Variants in CLTCL1 observed in about 807,000 individuals in gnomAD.
The protein encoded by CLTCL1 is clathrin heavy chain like 1.
Under a neutral mutation model 190.0 loss-of-function variants are expected in CLTCL1, and 159 were observed. That is an observed-to-expected ratio of 0.84 (90% CI 0.74 to 0.95). The LOEUF (loss-of-function observed/expected upper bound fraction) is 0.95, where lower values mean the gene tolerates loss of function less well. Ranked by LOEUF, CLTCL1 falls within the 40% of genes least tolerant of loss-of-function variation. The pLI, the probability that CLTCL1 is intolerant of heterozygous loss-of-function variation, is 0.00. For missense variants in CLTCL1, 1,878 were observed against 2,033.4 expected, an observed-to-expected ratio of 0.92 and a Z score of 1.47; for synonymous variants, 752 against 769.6, an observed-to-expected ratio of 0.98 and a Z score of 0.38.
intron 1 of CLTCL1, among the ~76,000 whole-genome samples, chr22:19,291,364 C>A (rs1386269987): frequency 2.0e-5 from 3 of 152,272 alleles, no homozygotes; most frequent in East Asian, 1.9e-4. Flanking sequence ...CTTCCACCCC[C>A]ACCATTCCCC....
At chr22:19,186,886 C>T (rs1306877224) in intron 29 of CLTCL1, among the ~76,000 whole-genome samples, 2 of 152,094 alleles carry the variant, frequency 1.3e-5, no homozygotes, top group Non-Finnish European at 2.9e-5. Flanking sequence ...CAGGTGTGAG[C>T]CACCACGTCC....
chr22:19,205,655 T>TA (rs1253680416), intron 22 of CLTCL1, among the ~76,000 whole-genome samples: 18 of 152,208 alleles, frequency 1.2e-4, no homozygotes, highest in Admixed American at 1.2e-3. Context: ...CATCTAGACT[T>TA]AGAGGTCCAT....
Position 19,225,521 on chromosome 22 carries a change from G to A in CLTCL1, c.2060C>T (p.Ser687Phe), listed in dbSNP as rs1555955340. 6.3e-7 allele frequency: 1 copy of A among 1,587,062 alleles called. No homozygotes were observed. Among genetic ancestry groups the A allele is most frequent in the Non-Finnish European group, 8.6e-7 (1 of 1,166,160 alleles). Reference sequence around the variant, plus strand: ...CGTGCCCAGCTGCTCGTGGTACTTAGAGGCCACCTGCACACACAGCTGAAG... The same window carrying A: ...CGTGCCCAGCTGCTCGTGGTACTTAAAGGCCACCTGCACACACAGCTGAAG... ...QNLQLCVQVASKYHEQLGTQA... is the reference protein window; with the variant it reads ...QNLQLCVQVAFKYHEQLGTQA... Residue 687 changes from serine to phenylalanine, a missense_variant, in exon 13 of 33, where the codon TCT (serine) becomes TTT (phenylalanine). Coordinates refer to ENST00000427926, the MANE Select transcript of CLTCL1 (RefSeq NM_007098.4).
chr22:19,234,564 AG>A lies in CLTCL1; in HGVS notation c.1111del (p.Leu371SerfsTer63). ...EKLFVRKFNTLFAQGSYAEAA... is the reference protein window; with the variant it reads ...EKLFVRKFNTXFAQGSYAEAA... ...TTCAGCATAGCTGCCCTGTGCAAAG[AG>A]GGTATTGAATTTTCTCACAAACAAC... On this transcript the variant is annotated frameshift_variant, in exon 7 of 33. Coordinates refer to ENST00000427926, the MANE Select transcript of CLTCL1 (RefSeq NM_007098.4). LOFTEE classifies it high-confidence loss of function. 27 of 1,613,970 alleles carry A rather than the reference AG, an allele frequency of 1.7e-5. No homozygotes were observed. The highest frequency in any genetic ancestry group is 2.3e-5 in the Non-Finnish European group (27 of 1,179,886).
At position 19,198,147 on chromosome 22, in the gene CLTCL1, T is replaced by C. The variant is rs936208514; in HGVS notation, c.3874-1491A>G. ...TGGTGATAACTCCGTTATTTCTACT[T>C]ATTCAAGCCAAAACCAAATGGAGTT... is the stretch of plus-strand genomic sequence containing the variant. On this transcript the variant is annotated intron_variant, in intron 24 of 32. Transcript: ENST00000427926. The surrounding 1 kb of genome is among the most constrained non-coding windows in gnomAD (Gnocchi z 4.1). Among the ~76,000 whole-genome samples, 5 of 152,220 alleles carry C rather than the reference T, an allele frequency of 3.3e-5. No homozygotes were observed. Among genetic ancestry groups the C allele is most frequent in the Non-Finnish European group, 7.3e-5 (5 of 68,042 alleles).
chr22:19,195,065 A>T (rs2084651958), intron 26 of CLTCL1, among the ~76,000 whole-genome samples: 1 of 152,268 alleles, frequency 6.6e-6, no homozygotes, highest in Non-Finnish European at 1.5e-5. Flanking sequence ...AAGAAACAAA[A>T]GCATGGCCAC....
intron 2 of CLTCL1, among the ~76,000 whole-genome samples, chr22:19,275,254 C>G (rs1418542517): frequency 6.6e-6 from 1 of 152,128 alleles, no homozygotes; most frequent in Non-Finnish European, 1.5e-5. Context: ...GAGGAAAACC[C>G]CCGAGCCTGT....
In CLTCL1 at chr22:19,222,667, C is replaced by A; in HGVS notation, c.2418+17G>T. ...GCCCAGAGGCAGCCGGGTGTCACTC[C>A]AGGGAGCCAGCAGTACCTTCTGCAC... On this transcript the variant is annotated intron_variant, in intron 15 of 32. Transcript: ENST00000427926. 6.3e-7 allele frequency: 1 copy of A among 1,584,030 alleles called. No homozygotes were observed. Among genetic ancestry groups the A allele is most frequent in the East Asian group, 2.3e-5 (1 of 43,588 alleles).
At chr22:19,240,448 A>G (rs1816887817) in intron 4 of CLTCL1, among the ~76,000 whole-genome samples, 1 of 151,872 alleles carries the variant, frequency 6.6e-6, no homozygotes, top group African/African-American at 2.4e-5. Context: ...GAGGAGGGAA[A>G]CACCAAAGGG....
rs1360400448 is a variant in CLTCL1 at position 19,282,628 on chromosome 22, C to CA, written c.43-6799dup. Among the ~76,000 whole-genome samples, 777 of 88,162 alleles carry CA rather than the reference C, an allele frequency of 8.8e-3. 4 individuals are homozygous for CA. Among genetic ancestry groups the CA allele is most frequent in the Middle Eastern group, 0.015 (2 of 132 alleles). 57.8% of individuals were successfully genotyped at this position (88,162 alleles called of 152,430 possible). A position where few individuals can be genotyped will look rare whatever the true frequency, so the allele number is the denominator to read the frequency against. Reference sequence around the variant, plus strand: ...TGGGCGACAGAGCGAGACTCTGTCTCAAAAAAAAAAAAAGAAAAAGAAAAA... The same window carrying CA: ...TGGGCGACAGAGCGAGACTCTGTCTCAAAAAAAAAAAAAAGAAAAAGAAAAA... On this transcript the variant is annotated intron_variant, in intron 1 of 32. Coordinates refer to ENST00000427926, the MANE Select transcript of CLTCL1 (RefSeq NM_007098.4).
rs1555982887 is a variant in CLTCL1, at chr22:19,275,706, C to T, written c.167G>A (p.Ser56Asn). Reference protein sequence around the residue: ...EQAQVTIIDMSDPMAPIRRPI... With the variant: ...EQAQVTIIDMNDPMAPIRRPI... ...CCGTCGGATCGGAGCCATTGGGTCA[C>T]TCATGTCAATGATCGTGACCTGTGC... Residue 56 changes from serine to asparagine, a missense_variant, in exon 2 of 33, where the codon AGT becomes AAT. Physicochemically the swap from Ser to Asn is conservative, Grantham distance 46. Coordinates refer to ENST00000427926, the MANE Select transcript of CLTCL1 (RefSeq NM_007098.4). 1.2e-6 allele frequency: 2 copies of T among 1,607,276 alleles called. No homozygotes were observed. Among genetic ancestry groups the T allele is most frequent in the Non-Finnish European group, 1.7e-6 (2 of 1,176,832 alleles).
In CLTCL1 at chr22:19,210,348, T is replaced by C; in HGVS notation, c.3227A>G (p.Asp1076Gly). The C allele has an allele frequency of 3.1e-6, 5 of 1,613,978 alleles. No homozygotes were observed. The highest frequency in any genetic ancestry group is 4.2e-6 in the Non-Finnish European group (5 of 1,179,842). The change falls in exon 20 of 33, where the codon GAT becomes GGT. Residue 1076 changes from aspartate to glycine, a missense_variant. Asp to Gly is a moderately conservative substitution (Grantham distance 94). Coordinates refer to ENST00000427926, the MANE Select transcript of CLTCL1 (RefSeq NM_007098.4). Reference sequence around the variant, plus strand: ...CACCTGGATTGCTGAGGCATTCATATCAAACTTGTGGAAAACGGTGAAGGC... The same window carrying C: ...CACCTGGATTGCTGAGGCATTCATACCAAACTTGTGGAAAACGGTGAAGGC... ...EEAFTVFHKF[D>G]MNASAIQVLI...
At chr22:19,224,755 C>A (rs1295541398) in intron 13 of CLTCL1, among the ~76,000 whole-genome samples, 2 of 152,188 alleles carry the variant, frequency 1.3e-5, no homozygotes, top group African/African-American at 4.8e-5. Context: ...ATGGTCTTTC[C>A]TACAGGGGTG....
chr22:19,207,766 A>G, intron 22 of CLTCL1: 1 of 537,530 alleles, frequency 1.9e-6, no homozygotes, highest in Admixed American at 3.2e-5. Context: ...CAGAGCACAA[A>G]CCCTATTGTG....
intron 1 of CLTCL1, among the ~76,000 whole-genome samples, chr22:19,287,913 G>A (rs1555991045): frequency 1.3e-5 from 2 of 152,172 alleles, no homozygotes; most frequent in African/African-American, 4.8e-5. Context: ...AGGACACAGT[G>A]CTTTACAGTA....
intron 4 of CLTCL1, among the ~76,000 whole-genome samples, chr22:19,240,951 G>A (rs985441980): frequency 1.3e-5 from 2 of 152,252 alleles, no homozygotes; most frequent in African/African-American, 2.4e-5. Context: ...CAGCTGGCCA[G>A]TCCCAAAAGG....
In CLTCL1 at chr22:19,180,317, T is replaced by A. The variant is rs377367286; in HGVS notation, c.4904-79A>T. 88 of 1,431,062 alleles carry A rather than the reference T, an allele frequency of 6.1e-5. 1 individual carries two copies. In the African/African-American group the frequency reaches 1.2e-3, roughly 20 times the overall value. 88.6% of individuals were successfully genotyped at this position (1,431,062 alleles called of 1,614,324 possible). A position where few individuals can be genotyped will look rare whatever the true frequency, so the allele number is the denominator to read the frequency against. ...GGAGACCCGCCGGCGTGCTGCACAC[T>A]CACACCACACCCTCAGGCCTGTGTT... On this transcript the variant is annotated intron_variant, in intron 31 of 32. Coordinates refer to ENST00000427926, the MANE Select transcript of CLTCL1 (RefSeq NM_007098.4).
chr22:19,188,085 G>A lies in CLTCL1; in HGVS notation c.4330C>T (p.Gln1444Ter). The change falls in exon 28 of 33, where the codon CAG becomes TAG. Residue 1444 changes from glutamine (Q) to a stop codon, truncating the protein, a stop_gained. Coordinates refer to ENST00000427926, the MANE Select transcript of CLTCL1 (RefSeq NM_007098.4). LOFTEE classifies it high-confidence loss of function. ...AGGTAAGGCTTCACCAGGGGCAGCT[G>A]ACCTGCCTGACAAGTTGAGGGAACC... The part of the protein sequence containing the change: ...WTVSFFSKAG[Q>*]LPLVKPYLRS... 1 of 1,613,958 alleles carries A rather than the reference G, an allele frequency of 6.2e-7. No homozygotes were observed. Among genetic ancestry groups the A allele is most frequent in the South Asian group, 1.1e-5 (1 of 91,058 alleles).
chr22:19,220,345 G>C (rs1195519242), intron 17 of CLTCL1, among the ~76,000 whole-genome samples: 1 of 152,110 alleles, frequency 6.6e-6, no homozygotes, highest in Non-Finnish European at 1.5e-5. Flanking sequence ...CTTGAAATGT[G>C]GTGCGTGACA....
Sources: allele counts gnomAD v4.1 joint callset (sites outside exome capture counted in the v4.1 genomes callset), GRCh38; gene constraint gnomAD v4.1.1; non-coding constraint Gnocchi (gnomAD v3.1); transcripts MANE v1.5; gene names NCBI Gene and HGNC (gene_info 2026-07-23, HGNC 2026-07-21).